The following SH3RF3 variants were observed in gnomAD, a reference collection of about 807,000 sequenced individuals.
The protein encoded by SH3RF3 is E3 ubiquitin-protein ligase SH3RF3.
A neutral mutation model predicts 66.3 loss-of-function variants in SH3RF3; 29 were observed. That is an observed-to-expected ratio of 0.44 (90% CI 0.33 to 0.60). SH3RF3 has a LOEUF of 0.60. SH3RF3 is among the 20% of genes least tolerant of loss of function. The pLI, the probability that SH3RF3 is intolerant of heterozygous loss-of-function variation, is 0.04. For missense variants in SH3RF3, 1,194 were observed against 1,190.9 expected, an observed-to-expected ratio of 1.00 and a Z score of -0.04; for synonymous variants, 583 against 532.0, an observed-to-expected ratio of 1.10 and a Z score of -1.32.
chr2:109,285,096 C>T (rs1292102687), intron 1 of SH3RF3, among the ~76,000 whole-genome samples: 1 of 152,232 alleles, frequency 6.6e-6, no homozygotes, highest in African/African-American at 2.4e-5. Context: ...AGCTGTCACC[C>T]CTTAGCCCAG....
At chr2:109,153,001 C>T (rs980729145) in intron 1 of SH3RF3, among the ~76,000 whole-genome samples, 3 of 152,216 alleles carry the variant, frequency 2.0e-5, no homozygotes, top group African/African-American at 7.2e-5. Flanking sequence ...GAGTTTGAGC[C>T]TGTCTTAGAA....
intron 1 of SH3RF3, among the ~76,000 whole-genome samples, chr2:109,241,684 C>G (rs1574523562): frequency 6.6e-6 from 1 of 152,130 alleles, no homozygotes; most frequent in Non-Finnish European, 1.5e-5. Context: ...TTCTCTCCCC[C>G]AGTCCCTGCA....
At chr2:109,476,376 C>A (rs1301728608) in intron 8 of SH3RF3, among the ~76,000 whole-genome samples, 1 of 152,134 alleles carries the variant, frequency 6.6e-6, no homozygotes, top group Non-Finnish European at 1.5e-5. Context: ...TACTGGGTAG[C>A]CCCTGGGTGA....
chr2:109,172,203 T>C (rs1168485368), intron 1 of SH3RF3, among the ~76,000 whole-genome samples: 1 of 152,148 alleles, frequency 6.6e-6, no homozygotes, highest in Non-Finnish European at 1.5e-5. Context: ...CAGACCAGGG[T>C]CCTCTGGCAG....
chr2:109,319,642 A>C (rs1213327223), intron 1 of SH3RF3, among the ~76,000 whole-genome samples: 1 of 152,154 alleles, frequency 6.6e-6, no homozygotes, highest in Non-Finnish European at 1.5e-5. Context: ...TTGTTTTTAA[A>C]CATTCCCCTT....
chr2:109,245,345 G>A (rs960286340), intron 1 of SH3RF3, among the ~76,000 whole-genome samples: 1 of 152,130 alleles, frequency 6.6e-6, no homozygotes, highest in Admixed American at 6.5e-5. Flanking sequence ...CTTGGGGACA[G>A]TGTCAACCTC....
intron 1 of SH3RF3, among the ~76,000 whole-genome samples, chr2:109,210,436 C>G (rs898724767): frequency 5.3e-5 from 8 of 152,228 alleles, no homozygotes; most frequent in African/African-American, 1.9e-4. Context: ...AGTGAGGCTA[C>G]ATGTTGTTTT....
At chr2:109,376,180 C>T (rs368750121) in intron 3 of SH3RF3, among the ~76,000 whole-genome samples, 4 of 152,394 alleles carry the variant, frequency 2.6e-5, no homozygotes, top group Admixed American at 2.6e-4. Context: ...CTGTGTCATT[C>T]CTGAGCACTG....
chr2:109,249,680 CT>C (rs1286824374), intron 1 of SH3RF3, among the ~76,000 whole-genome samples: 1 of 145,562 alleles, frequency 6.9e-6, no homozygotes, highest in African/African-American at 2.7e-5. Context: ...CAGAGTCTTG[CT>C]GTGTCATCAA....
At chr2:109,330,125 C>T (rs1174638544) in intron 1 of SH3RF3, among the ~76,000 whole-genome samples, 2 of 152,220 alleles carry the variant, frequency 1.3e-5, no homozygotes. Flanking sequence ...ATTTCCTTTG[C>T]TCCCACTCTG....
intron 1 of SH3RF3, among the ~76,000 whole-genome samples, chr2:109,256,386 C>T (rs565978433): frequency 2.6e-5 from 4 of 152,288 alleles, no homozygotes; most frequent in South Asian, 2.1e-4. Context: ...GGGATATGAG[C>T]GGCAATGCGA....
chr2:109,130,073 TG>T lies in SH3RF3; in HGVS notation c.534del (p.Arg179GlyfsTer91). 1 of 1,366,186 alleles carries T rather than the reference TG, an allele frequency of 7.3e-7. No homozygotes were observed. The highest frequency in any genetic ancestry group is 9.4e-7 in the Non-Finnish European group (1 of 1,060,602). 84.6% of individuals were successfully genotyped at this position (1,366,186 alleles called of 1,614,324 possible). On this transcript the variant is annotated frameshift_variant, in exon 1 of 10. Transcript: ENST00000309415. LOFTEE classifies it high-confidence loss of function. ...GCCGCGGGCAGCACCGCCGGCAGTCTGCGGGAGCTGGCGACCAGCAGGACCG... is the reference window on the plus strand; with the variant it reads ...GCCGCGGGCAGCACCGCCGGCAGTCTCGGGAGCTGGCGACCAGCAGGACCG... Reference protein sequence around the residue: ...SAAAGSTAGSLRELATSRTAP... With the variant: ...SAAAGSTAGSXRELATSRTAP...
At chr2:109,460,693 CAT>C (rs144782898) in intron 8 of SH3RF3, among the ~76,000 whole-genome samples, 4,581 of 152,344 alleles carry the variant, frequency 0.03, 97 homozygotes, top group African/African-American at 0.052. Context: ...GGTCTTTTCA[CAT>C]GTGCTTTTCC....
At position 109,407,151 on chromosome 2, in the gene SH3RF3, C is replaced by T. The variant is rs576395853; in HGVS notation, c.1299+8208C>T. Among the ~76,000 whole-genome samples, 25 of 151,736 alleles carry T rather than the reference C, an allele frequency of 1.6e-4. 1 individual carries two copies. The South Asian group carries it at 2.7e-3, about 17-fold the overall frequency. Reference sequence around the variant, plus strand: ...GAGTGTGGTCAGATGCAGGCTGACTCGCCGTCCAGCCAGGACCAGCACCTT... The same window carrying T: ...GAGTGTGGTCAGATGCAGGCTGACTTGCCGTCCAGCCAGGACCAGCACCTT... On this transcript the variant is annotated intron_variant, in intron 4 of 9. Coordinates refer to ENST00000309415, the MANE Select transcript of SH3RF3 (RefSeq NM_001099289.3).
At chr2:109,279,435 A>G (rs890743151) in intron 1 of SH3RF3, among the ~76,000 whole-genome samples, 2 of 152,132 alleles carry the variant, frequency 1.3e-5, no homozygotes, top group African/African-American at 4.8e-5. Flanking sequence ...CCTCCTGTCT[A>G]CTGGGTCTTC....
At chr2:109,310,753 A>G (rs913835054) in intron 1 of SH3RF3, among the ~76,000 whole-genome samples, 1 of 92,486 alleles carries the variant, frequency 1.1e-5, no homozygotes, top group African/African-American at 7.1e-5. Context: ...AGAAATGGAT[A>G]AATTCCTCAA....
chr2:109,179,771 A>G (rs1678031756), intron 1 of SH3RF3, among the ~76,000 whole-genome samples: 1 of 152,198 alleles, frequency 6.6e-6, no homozygotes, highest in South Asian at 2.1e-4. Flanking sequence ...TGCCATCAAC[A>G]TATGAATTTG....
intron 1 of SH3RF3, among the ~76,000 whole-genome samples, chr2:109,175,861 T>TG (rs1677902269): frequency 6.6e-6 from 1 of 152,240 alleles, no homozygotes. Flanking sequence ...TCTTTTAGTT[T>TG]TGCATCTTAA....
intron 1 of SH3RF3, among the ~76,000 whole-genome samples, chr2:109,274,508 T>C (rs58998701): frequency 0.024 from 3,719 of 152,206 alleles, 144 homozygotes; most frequent in African/African-American, 0.085. Flanking sequence ...TCAAAAACAT[T>C]ATGCTCAAAA....
Sources: gnomAD v4.1 joint callset for allele counts (sites outside exome capture counted in the v4.1 genomes callset) on GRCh38, gnomAD v4.1.1 for gene constraint, MANE v1.5 for transcripts, NCBI Gene and HGNC (gene_info 2026-07-23, HGNC 2026-07-21) for gene names.